CADM2: variants seen among roughly 807,000 people sequenced by gnomAD.
CADM2 encodes cell adhesion molecule 2, also known as immunoglobulin superfamily member 4D.
CADM2 carries 12 observed loss-of-function variants against 49.8 expected under a neutral mutation model. The ratio of observed to expected loss-of-function variants is 0.24; its 90% CI spans 0.15 to 0.39. The LOEUF is 0.39. Ranked by LOEUF, CADM2 falls within the 10% of genes least tolerant of loss-of-function variation. The pLI is 1.00. For missense variants in CADM2, 378 were observed against 492.3 expected (o/e 0.77, Z 2.20); for synonymous variants, 214 against 175.4 (o/e 1.22, Z -1.74).
intron 1 of CADM2, among the ~76,000 whole-genome samples, chr3:85,407,597 G>A (rs1227073571): frequency 6.6e-6 from 1 of 152,074 alleles, no homozygotes; most frequent in Non-Finnish European, 1.5e-5. Flanking sequence ...TGCTCCGAAG[G>A]AAAGTTAATG....
At chr3:85,999,518 AAAAGAAAGAAGGAAGGAAGGAAGG>A (rs1729877030) in intron 8 of CADM2, among the ~76,000 whole-genome samples, 1 of 151,248 alleles carries the variant, frequency 6.6e-6, no homozygotes, top group African/African-American at 2.4e-5. Context: ...AAAGAAAAGA[AAAAGAAAGAAGGAAGGAAGGAAGG>A]AAAGAAAGAA....
In CADM2 at chr3:85,522,585, A is replaced by G. The variant is rs148124800; in HGVS notation, c.62-203937A>G. ...TTATTAGTATAAACAAGTCTGGACA[A>G]TGTAGTTCCAGAGAAACAGGTTCAT... On this transcript the variant is annotated intron_variant, in intron 1 of 9. Transcript: ENST00000383699. 1.2e-4 allele frequency among the ~76,000 whole-genome samples: 19 copies of G among 152,262 alleles called. No homozygotes were observed. The East Asian group carries it at 3.7e-3, about 29-fold the overall frequency.
intron 1 of CADM2, among the ~76,000 whole-genome samples, chr3:85,515,902 A>T (rs954848403): frequency 6.6e-6 from 1 of 152,156 alleles, no homozygotes; most frequent in Non-Finnish European, 1.5e-5. Flanking sequence ...TTCTAAAATT[A>T]AATAAGGCAA....
intron 1 of CADM2, among the ~76,000 whole-genome samples, chr3:85,091,058 G>A (rs559348547): frequency 9.4e-4 from 143 of 152,238 alleles, no homozygotes; most frequent in Admixed American, 1.3e-3. Context: ...AGATTGCGGG[G>A]ATACAATACA....
chr3:85,730,987 T>G (rs781139076), intron 2 of CADM2, among the ~76,000 whole-genome samples: 10 of 152,180 alleles, frequency 6.6e-5, no homozygotes, highest in Non-Finnish European at 1.3e-4. Context: ...ATTAAGATAA[T>G]GCAGAGCCCT....
intron 8 of CADM2, among the ~76,000 whole-genome samples, chr3:86,042,441 C>A (rs1394099979): frequency 6.6e-6 from 1 of 152,154 alleles, no homozygotes. Flanking sequence ...TCAGAGAATA[C>A]TATAAAAGCC....
At chr3:85,275,998 A>G (rs1041785255) in intron 1 of CADM2, among the ~76,000 whole-genome samples, 1 of 151,266 alleles carries the variant, frequency 6.6e-6, no homozygotes, top group Non-Finnish European at 1.5e-5. Context: ...CCTATGTACT[A>G]CTGTTACTGT....
chr3:85,744,622 A>C (rs2068535868), intron 2 of CADM2, among the ~76,000 whole-genome samples: 1 of 152,156 alleles, frequency 6.6e-6, no homozygotes. Context: ...GTGGGGAGGG[A>C]GCAGCCATGA....
intron 1 of CADM2, among the ~76,000 whole-genome samples, chr3:85,321,116 ATTTTTTTTTTTT>A (rs1157576505): frequency 7.3e-5 from 2 of 27,496 alleles, no homozygotes; most frequent in African/African-American, 1.5e-4. Flanking sequence ...ATATATATAT[ATTTTTTTTTTTT>A]TTTTTTTTTT....
At chr3:85,995,053 A>C (rs1190282467) in intron 8 of CADM2, among the ~76,000 whole-genome samples, 1 of 142,746 alleles carries the variant, frequency 7.0e-6, no homozygotes, top group African/African-American at 2.5e-5. Flanking sequence ...TGCAGAGCAC[A>C]ACAAAGTGAA....
chr3:85,960,239 T>C (rs905999596), intron 7 of CADM2, among the ~76,000 whole-genome samples: 1 of 151,982 alleles, frequency 6.6e-6, no homozygotes, highest in Non-Finnish European at 1.5e-5. Context: ...TTTGTTAGAA[T>C]GGTATATATC....
chr3:85,108,041 A>G (rs553834675), intron 1 of CADM2, among the ~76,000 whole-genome samples: 79 of 152,116 alleles, frequency 5.2e-4, no homozygotes, highest in Non-Finnish European at 1.0e-3. Context: ...ATACACAATT[A>G]CCATATGATC....
chr3:85,216,777 T>A (rs2041938372), intron 1 of CADM2, among the ~76,000 whole-genome samples: 1 of 152,122 alleles, frequency 6.6e-6, no homozygotes, highest in South Asian at 2.1e-4. Context: ...TTTAAACTAT[T>A]TGCATCATTA....
At chr3:85,117,743 G>C (rs1289420564) in intron 1 of CADM2, among the ~76,000 whole-genome samples, 1 of 152,140 alleles carries the variant, frequency 6.6e-6, no homozygotes, top group Non-Finnish European at 1.5e-5. Flanking sequence ...CATGTATTTT[G>C]TAAGGAAGTC....
intron 1 of CADM2, among the ~76,000 whole-genome samples, chr3:85,408,206 A>G (rs1300767723): frequency 6.6e-6 from 1 of 152,132 alleles, no homozygotes; most frequent in Non-Finnish European, 1.5e-5. Context: ...TTTCTTCCAG[A>G]TGAATGAGAC....
chr3:84,983,326 T>C (rs2032327180), intron 1 of CADM2, among the ~76,000 whole-genome samples: 1 of 151,886 alleles, frequency 6.6e-6, no homozygotes, highest in East Asian at 1.9e-4. Flanking sequence ...AAAATCAGTT[T>C]GTTTTCTTCT....
At chr3:85,939,490 C>T (rs1721583704) in intron 7 of CADM2, among the ~76,000 whole-genome samples, 1 of 151,396 alleles carries the variant, frequency 6.6e-6, no homozygotes, top group South Asian at 2.1e-4. Flanking sequence ...CACACACACA[C>T]ACACACACAC....
intron 1 of CADM2, among the ~76,000 whole-genome samples, chr3:85,156,255 G>A (rs1181205674): frequency 2.0e-5 from 3 of 151,626 alleles, no homozygotes; most frequent in Admixed American, 2.0e-4. Context: ...AAAGAGAGAA[G>A]AATCAAATAG....
At chr3:85,574,375 G>T (rs2062570167) in intron 1 of CADM2, among the ~76,000 whole-genome samples, 1 of 152,222 alleles carries the variant, frequency 6.6e-6, no homozygotes, top group African/African-American at 2.4e-5. Context: ...TGCTAATGAG[G>T]ATTTTAGTTT....
Sources: allele counts gnomAD v4.1 joint callset (sites outside exome capture counted in the v4.1 genomes callset), GRCh38; gene constraint gnomAD v4.1.1; transcripts MANE v1.5; gene names NCBI Gene and HGNC (gene_info 2026-07-23, HGNC 2026-07-21).